CLPB: variants seen among roughly 807,000 people sequenced by gnomAD.
The protein encoded by CLPB is mitochondrial disaggregase.
In CLPB, 40 loss-of-function variants were observed where a neutral mutation model predicts 78.4. The ratio of observed to expected loss-of-function variants is 0.51; its 90% CI spans 0.40 to 0.66. The LOEUF (loss-of-function observed/expected upper bound fraction) is 0.66, where lower values mean the gene tolerates loss of function less well. Among genes scored for constraint, CLPB ranks in the 30% least tolerant of loss-of-function variants. The probability of loss-of-function intolerance (pLI) is 0.00; values close to 1 mark genes in which losing one functional copy is unlikely to be tolerated. For synonymous variants in CLPB, 333 were observed against 348.0 expected, an observed-to-expected ratio of 0.96 and a Z score of 0.48; for missense variants, 780 against 886.9, an observed-to-expected ratio of 0.88 and a Z score of 1.53.
At chr11:72,294,246 T>TG in intron 14 of CLPB, 79 bp downstream of exon 14, 2 of 1,611,620 alleles carry the variant, frequency 1.2e-6, no homozygotes, top group Non-Finnish European at 8.5e-7. Flanking sequence ...TTTATGTGTG[T>TG]GGGGGTGCCC....
chr11:72,397,087 C>T (rs537151416), intron 3 of CLPB, among the ~76,000 whole-genome samples: 51 of 152,218 alleles, frequency 3.4e-4, no homozygotes, highest in Non-Finnish European at 5.4e-4. Flanking sequence ...TTCCCAAACA[C>T]TGGCAACCAC....
intron 5 of CLPB, among the ~76,000 whole-genome samples, chr11:72,337,727 C>T: frequency 6.6e-6 from 1 of 152,154 alleles, no homozygotes; most frequent in South Asian, 2.1e-4. Flanking sequence ...CAAAATGCTA[C>T]CTTCCAAAGG....
Position 72,412,923 on chromosome 11 carries a change from CT to C in CLPB, c.456-9872del, listed in dbSNP as rs1480586147. 4.6e-5 allele frequency among the ~76,000 whole-genome samples: 7 copies of C among 152,194 alleles called. No individual in the cohort carries two copies. The East Asian group carries it at 1.4e-3, about 29-fold the overall frequency. Reference sequence around the variant, plus strand: ...TTAAAGTGCTCAGATTATTTTTTAACTTTTTATTTTGAAATAATTTCAAACT... The same window carrying C: ...TTAAAGTGCTCAGATTATTTTTTAACTTTTATTTTGAAATAATTTCAAACT... On this transcript the variant is annotated intron_variant, in intron 2 of 15. Coordinates refer to ENST00000538039, the MANE Select transcript of CLPB (RefSeq NM_001258392.3).
At chr11:72,429,122 T>C (rs1037321406) in intron 2 of CLPB, 1 of 152,192 alleles carries the variant, frequency 6.6e-6, no homozygotes, top group African/African-American at 2.4e-5. Flanking sequence ...GGAATGAAGA[T>C]GCCACACACA....
Position 72,294,648 on chromosome 11 carries a change from T to C in CLPB, c.1532A>G (p.Lys511Arg), listed in dbSNP as rs1949517387. Residue 511 changes from lysine to arginine, a missense_variant, in exon 13 of 16, where the codon AAG becomes AGG. Physicochemically the swap from Lys to Arg is conservative, Grantham distance 26 (BLOSUM62 2). Around this residue, in one of 3 missense-constraint regions of CLPB, gnomAD observed 272 missense variants for 304.0 expected, o/e 0.89. Transcript: ENST00000538039. The part of the protein sequence containing the change: ...SDKITISKNF[K>R]ENVIRPILKA... ...CAGGATAGGGCGAATCACATTCTCC[T>C]TGAAGTTCTTTGAGATGGTGATCTT... 2 of 1,614,192 alleles carry C rather than the reference T, an allele frequency of 1.2e-6. No individual in the cohort carries two copies. Among genetic ancestry groups the C allele is most frequent in the Non-Finnish European group, 1.7e-6 (2 of 1,179,964 alleles).
intron 2 of CLPB, 142 bp downstream of exon 2, chr11:72,430,170 C>G (rs1368362644): frequency 3.9e-6 from 3 of 777,762 alleles, no homozygotes. Flanking sequence ...GCCCAGGTGA[C>G]TCTGTGACTA....
chr11:72,395,995 T>A (rs1302101718), intron 3 of CLPB, among the ~76,000 whole-genome samples: 3 of 152,168 alleles, frequency 2.0e-5, no homozygotes, highest in Non-Finnish European at 2.9e-5. Context: ...GCTTAGGCTA[T>A]CGGTTTTTTA....
intron 5 of CLPB, among the ~76,000 whole-genome samples, chr11:72,343,211 CAG>C (rs1458223353): frequency 1.3e-5 from 2 of 152,210 alleles, no homozygotes; most frequent in East Asian, 3.9e-4. Context: ...CTCAAATATA[CAG>C]ACTTTCAGTC....
At chr11:72,364,262 C>T (rs1950898634) in intron 4 of CLPB, among the ~76,000 whole-genome samples, 2 of 152,106 alleles carry the variant, frequency 1.3e-5, no homozygotes, top group African/African-American at 4.8e-5. Flanking sequence ...GGCATGATCT[C>T]GGCTCACTGC....
chr11:72,428,124 T>A (rs1376523305), intron 2 of CLPB, among the ~76,000 whole-genome samples: 3 of 152,102 alleles, frequency 2.0e-5, no homozygotes, highest in Non-Finnish European at 4.4e-5. Context: ...TGGGTCACCA[T>A]CCCCATCCCC....
chr11:72,318,673 T>TA (rs1326517480), intron 6 of CLPB, among the ~76,000 whole-genome samples: 3 of 151,958 alleles, frequency 2.0e-5, no homozygotes, highest in African/African-American at 7.3e-5. Context: ...TGACAGAAGT[T>TA]AAAAAAAATA....
At position 72,290,040 on chromosome 11, in the gene CLPB, C is replaced by G. The variant is rs1949433594; in HGVS notation, c.*3327G>C. ...CTCTAGCCAGGAGTATATATTCTGT[C>G]CAGATCTTGGTTTCCAGTGGCATCA... is the stretch of plus-strand genomic sequence containing the variant. On this transcript the variant is annotated 3_prime_UTR_variant, in exon 16 of 16. Coordinates refer to ENST00000538039, the MANE Select transcript of CLPB (RefSeq NM_001258392.3). 1 of 152,290 alleles carries G rather than the reference C, an allele frequency of 6.6e-6. No homozygotes were observed. Among genetic ancestry groups the G allele is most frequent in the East Asian group, 1.9e-4 (1 of 5,188 alleles). The allele number at this position is 152,290 out of a possible 1,614,324, so 9.4% of individuals were successfully genotyped here. A position where few individuals can be genotyped will look rare whatever the true frequency, so the allele number is the denominator to read the frequency against.
intron 2 of CLPB, among the ~76,000 whole-genome samples, chr11:72,407,808 A>G (rs1463492604): frequency 6.6e-6 from 1 of 152,178 alleles, no homozygotes; most frequent in East Asian, 1.9e-4. Flanking sequence ...CACCACGCCC[A>G]GCTAATTTTT....
At chr11:72,345,151 A>AC (rs1282941234) in intron 5 of CLPB, among the ~76,000 whole-genome samples, 3 of 152,104 alleles carry the variant, frequency 2.0e-5, no homozygotes, top group African/African-American at 7.2e-5. Flanking sequence ...GTATGCATTT[A>AC]CCCCCTGACC....
intron 4 of CLPB, among the ~76,000 whole-genome samples, chr11:72,361,690 C>A (rs957989272): frequency 6.6e-6 from 1 of 152,166 alleles, no homozygotes; most frequent in South Asian, 2.1e-4. Context: ...ATGAACCTGA[C>A]GAAAAGTGAT....
intron 4 of CLPB, among the ~76,000 whole-genome samples, chr11:72,369,348 A>G (rs964225556): frequency 2.6e-5 from 4 of 152,158 alleles, no homozygotes; most frequent in African/African-American, 9.7e-5. Flanking sequence ...GAGTAGTGAC[A>G]TGCTCACAAG....
intron 5 of CLPB, among the ~76,000 whole-genome samples, chr11:72,349,463 T>C (rs1212682599): frequency 1.3e-5 from 2 of 152,366 alleles, no homozygotes; most frequent in African/African-American, 4.8e-5. Flanking sequence ...GCCTGGCTTC[T>C]GTATCTTAGG....
chr11:72,354,313 T>C (rs34226347), intron 5 of CLPB: 4 of 398,086 alleles, frequency 1.0e-5, no homozygotes, highest in Non-Finnish European at 1.8e-5. Flanking sequence ...AGTACCATTT[T>C]AGATTCCTGG....
At chr11:72,333,861 C>T (rs1384922614) in intron 5 of CLPB, among the ~76,000 whole-genome samples, 3 of 152,102 alleles carry the variant, frequency 2.0e-5, no homozygotes, top group Non-Finnish European at 4.4e-5. Context: ...CAGAGCTAAA[C>T]CACAACGGAG....
Sources: allele counts gnomAD v4.1 joint callset (sites outside exome capture counted in the v4.1 genomes callset), GRCh38; gene constraint gnomAD v4.1.1; regional missense constraint gnomAD v4.1.1; transcripts MANE v1.5; gene names NCBI Gene and HGNC (gene_info 2026-07-23, HGNC 2026-07-21).